PRDM6: variants seen among roughly 807,000 people sequenced by gnomAD.
The protein encoded by PRDM6 is putative histone-lysine N-methyltransferase PRDM6.
In PRDM6, 25 loss-of-function variants were observed where a neutral mutation model predicts 60.8. The observed-to-expected ratio is 0.41, with a 90% CI of 0.30 to 0.57. The LOEUF (loss-of-function observed/expected upper bound fraction) is 0.57. Ranked by LOEUF, PRDM6 falls within the 20% of genes least tolerant of loss-of-function variation. The pLI is 0.27. For synonymous variants in PRDM6, 407 were observed against 357.4 expected, an observed-to-expected ratio of 1.14 and a Z score of -1.57; for missense variants, 839 against 821.3, an observed-to-expected ratio of 1.02 and a Z score of -0.26.
rs575633033 is a variant in PRDM6 at position 123,119,941 on chromosome 5, A to T, written c.900+19980A>T. 1.1e-4 allele frequency among the ~76,000 whole-genome samples: 17 copies of T among 152,328 alleles called. No individual in the cohort carries two copies. In the South Asian group the frequency reaches 3.1e-3, roughly 28 times the overall value. On this transcript the variant is annotated intron_variant, in intron 3 of 7. Coordinates refer to ENST00000407847, the MANE Select transcript of PRDM6 (RefSeq NM_001136239.4). ...GAGCTTTAAACAAGGTTAAAAAATT[A>T]TATTTTAATTTATTTGCATTTTTTA...
chr5:123,117,789 A>T (rs1022549817), intron 3 of PRDM6, among the ~76,000 whole-genome samples: 1 of 152,228 alleles, frequency 6.6e-6, no homozygotes, highest in Non-Finnish European at 1.5e-5. Flanking sequence ...TTTGCTTTGC[A>T]TGTGCAGTGA....
intron 3 of PRDM6, among the ~76,000 whole-genome samples, chr5:123,109,242 C>T (rs1284330258): frequency 6.6e-6 from 1 of 152,086 alleles, no homozygotes; most frequent in Non-Finnish European, 1.5e-5. Context: ...GGTAGGGAGA[C>T]ATTAATTTAT....
chr5:123,110,654 G>A (rs937213923), intron 3 of PRDM6, among the ~76,000 whole-genome samples: 2 of 141,860 alleles, frequency 1.4e-5, no homozygotes, highest in Admixed American at 7.6e-5. Context: ...CGCAACCTCC[G>A]CCTCCCGGGT....
chr5:123,094,785 G>C (rs1244258241), intron 2 of PRDM6, among the ~76,000 whole-genome samples: 2 of 152,182 alleles, frequency 1.3e-5, no homozygotes, highest in East Asian at 3.9e-4. Flanking sequence ...CAGCCTCGCA[G>C]GGGCAGGGGC....
intron 3 of PRDM6, among the ~76,000 whole-genome samples, chr5:123,146,716 A>C (rs1765247372): frequency 6.6e-6 from 1 of 152,170 alleles, no homozygotes; most frequent in Non-Finnish European, 1.5e-5. Flanking sequence ...GGATTCTCTG[A>C]TGCCAAGGGC....
At chr5:123,171,201 C>G (rs778780260) in intron 6 of PRDM6, 93 bp downstream of exon 6, 6 of 1,034,982 alleles carry the variant, frequency 5.8e-6, no homozygotes, top group Non-Finnish European at 8.3e-6. Flanking sequence ...ACAGGGGAAG[C>G]CCTGTGATTT....
chr5:123,148,738 T>C (rs1051598155), intron 3 of PRDM6, among the ~76,000 whole-genome samples: 1 of 152,236 alleles, frequency 6.6e-6, no homozygotes, highest in Non-Finnish European at 1.5e-5. Flanking sequence ...GTTCTAAAAA[T>C]AGAAATTTGA....
intron 2 of PRDM6, among the ~76,000 whole-genome samples, chr5:123,098,687 AT>A: frequency 6.6e-6 from 1 of 152,306 alleles, no homozygotes; most frequent in Non-Finnish European, 1.5e-5. Context: ...ACAGAATCGC[AT>A]TTAGCCTGGA....
intron 3 of PRDM6, among the ~76,000 whole-genome samples, chr5:123,143,910 T>G (rs2126863407): frequency 6.6e-6 from 1 of 152,316 alleles, no homozygotes; most frequent in South Asian, 2.1e-4. Context: ...TAATTTATGG[T>G]TTGCTACAGG....
chr5:123,126,480 T>C (rs1454967684), intron 3 of PRDM6, among the ~76,000 whole-genome samples: 1 of 152,034 alleles, frequency 6.6e-6, no homozygotes, highest in South Asian at 2.1e-4. Flanking sequence ...CAGTACTATT[T>C]GGGATGAGTC....
Position 123,159,534 on chromosome 5 carries a change from C to T in PRDM6, c.1049C>T (p.Ala350Val). The stretch of plus-strand genomic sequence containing the variant: ...AATAGGTCGAATATATTCTACCGAG[C>T]CTGTATAGATATCCCTAGGGGCACC... ...VQYRSNIFYR[A>V]CIDIPRGTEL... is the part of the protein sequence containing the mutation. Residue 350 changes from alanine (A) to valine (V), a missense_variant, in exon 5 of 8, where the codon GCC (alanine) becomes GTC (valine). This residue lies in a region of PRDM6 where 730 missense variants were observed against 648.8 expected (regional missense o/e 1.13). Coordinates refer to ENST00000407847, the MANE Select transcript of PRDM6 (RefSeq NM_001136239.4). 1.3e-6 allele frequency: 2 copies of T among 1,551,382 alleles called. No individual in the cohort carries two copies. Among genetic ancestry groups the T allele is most frequent in the Non-Finnish European group, 1.7e-6 (2 of 1,146,772 alleles).
intron 1 of PRDM6, among the ~76,000 whole-genome samples, 174 bp from the exon 2 acceptor site, chr5:123,089,826 G>C (rs978355673): frequency 1.3e-5 from 2 of 152,318 alleles, no homozygotes; most frequent in African/African-American, 4.8e-5. Flanking sequence ...GTGCGGCGCC[G>C]CAGCTTCGGA....
intron 3 of PRDM6, among the ~76,000 whole-genome samples, chr5:123,126,390 G>GTT (rs1181800605): frequency 2.8e-5 from 4 of 143,780 alleles, no homozygotes; most frequent in Non-Finnish European, 3.1e-5. Context: ...TGCACCAAGT[G>GTT]TTTTTTTTTT....
At chr5:123,142,565 ATGG>A (rs1765128915) in intron 3 of PRDM6, among the ~76,000 whole-genome samples, 1 of 152,150 alleles carries the variant, frequency 6.6e-6, no homozygotes. Context: ...AGTAGGAAAA[ATGG>A]TGGCATCATA....
At chr5:123,124,783 A>G (rs540802152) in intron 3 of PRDM6, among the ~76,000 whole-genome samples, 13 of 152,176 alleles carry the variant, frequency 8.5e-5, no homozygotes, top group Non-Finnish European at 1.8e-4. Flanking sequence ...TTATTGGCCT[A>G]TGTAAGATGT....
At chr5:123,116,163 G>A (rs1345696153) in intron 3 of PRDM6, among the ~76,000 whole-genome samples, 1 of 152,168 alleles carries the variant, frequency 6.6e-6, no homozygotes, top group Non-Finnish European at 1.5e-5. Flanking sequence ...TCTGAAGGTC[G>A]GGTGGAGCTG....
intron 3 of PRDM6, among the ~76,000 whole-genome samples, chr5:123,136,872 AAC>A (rs1161043435): frequency 2.1e-4 from 32 of 152,124 alleles, no homozygotes; most frequent in Non-Finnish European, 4.0e-4. Context: ...TGTGCATGGG[AAC>A]CTTAGCAGCT....
At chr5:123,154,990 G>T (rs1765459916) in intron 3 of PRDM6, among the ~76,000 whole-genome samples, 1 of 152,094 alleles carries the variant, frequency 6.6e-6, no homozygotes, top group African/African-American at 2.4e-5. Context: ...CTCCCTAAGT[G>T]CCCTGAATCT....
chr5:123,151,278 T>C (rs1165244463), intron 3 of PRDM6, among the ~76,000 whole-genome samples: 1 of 152,164 alleles, frequency 6.6e-6, no homozygotes, highest in African/African-American at 2.4e-5. Context: ...CCCTGAAAAC[T>C]GGCTAATCCC....
Sources: allele counts gnomAD v4.1 joint callset (sites outside exome capture counted in the v4.1 genomes callset), GRCh38; gene constraint gnomAD v4.1.1; regional missense constraint gnomAD v4.1.1; transcripts MANE v1.5; gene names NCBI Gene and HGNC (gene_info 2026-07-23, HGNC 2026-07-21).